The following PPP2R1A variants were observed in gnomAD, a reference collection of about 807,000 sequenced individuals.
The protein encoded by PPP2R1A is serine/threonine-protein phosphatase 2A 65 kDa regulatory subunit A alpha isoform.
PPP2R1A carries 15 observed loss-of-function variants against 67.1 expected under a neutral mutation model. That is an observed-to-expected ratio of 0.22 (90% CI 0.15 to 0.34). The LOEUF (loss-of-function observed/expected upper bound fraction) is 0.34, where lower values mean the gene tolerates loss of function less well. Among genes scored for constraint, PPP2R1A ranks in the 10% least tolerant of loss-of-function variants. The pLI, the probability that PPP2R1A is intolerant of heterozygous loss-of-function variation, is 1.00. For missense variants in PPP2R1A, 369 were observed against 775.0 expected (o/e 0.48, Z 6.22); for synonymous variants, 337 against 325.0 (o/e 1.04, Z -0.40).
chr19:52,199,123 G>A (rs968152669), intron 1 of PPP2R1A, among the ~76,000 whole-genome samples: 3 of 151,964 alleles, frequency 2.0e-5, no homozygotes, highest in African/African-American at 7.2e-5. Context: ...AAAGAAATAG[G>A]CAACTAGGTC....
chr19:52,213,215 G>C lies in PPP2R1A; in HGVS notation c.807+105G>C. 7.3e-7 allele frequency: 1 copy of C among 1,361,420 alleles called. No individual in the cohort carries two copies. Among genetic ancestry groups the C allele is most frequent in the South Asian group, 1.7e-5 (1 of 59,270 alleles). 84.3% of individuals were successfully genotyped at this position (1,361,420 alleles called of 1,614,324 possible). ...TTCCATTAGGCCGATGGAACCATTG[G>C]GCGTTTGAGCAATAAGATCTCTATG... On this transcript the variant is annotated intron_variant, in intron 6 of 14. Coordinates refer to ENST00000322088, the MANE Select transcript of PPP2R1A (RefSeq NM_014225.6). This position sits in a 1 kb window ranked among gnomAD's most constrained non-coding sequence, Gnocchi z 4.2.
intron 12 of PPP2R1A, 110 bp downstream of exon 12, chr19:52,221,243 A>G (rs1237823537): frequency 2.1e-6 from 3 of 1,442,612 alleles, no homozygotes; most frequent in Admixed American, 1.8e-5. Flanking sequence ...GAATGGAGAC[A>G]TGGAGTGCAT....
chr19:52,202,214 A>G (rs894214119), intron 2 of PPP2R1A, among the ~76,000 whole-genome samples, 180 bp downstream of exon 2: 11 of 152,224 alleles, frequency 7.2e-5, no homozygotes, highest in Non-Finnish European at 1.5e-5. Context: ...ATGGTCTGGA[A>G]TGATGGAGAC....
chr19:52,217,723 CA>C (rs1978666541), intron 9 of PPP2R1A, among the ~76,000 whole-genome samples: 1 of 152,110 alleles, frequency 6.6e-6, no homozygotes, highest in African/African-American at 2.4e-5. Flanking sequence ...CGAGATTCCT[CA>C]CATGTGCTTG....
In PPP2R1A at chr19:52,222,350, C is replaced by A. The variant is rs1177397495; in HGVS notation, c.1661+109C>A. On this transcript the variant is annotated intron_variant, in intron 13 of 14. Coordinates refer to ENST00000322088, the MANE Select transcript of PPP2R1A (RefSeq NM_014225.6). ...GTCAGAGGCCTGGCAGCGCTCCTTG[C>A]TTGCTGTGTGACCTTGGCTCCCTTC... 3 of 1,435,476 alleles carry A rather than the reference C, an allele frequency of 2.1e-6. No individual in the cohort carries two copies. In the East Asian group the frequency reaches 7.5e-5, roughly 36 times the overall value. The allele number at this position is 1,435,476 out of a possible 1,614,324, so 88.9% of individuals were successfully genotyped here.
chr19:52,201,709 C>T (rs2089551292), intron 1 of PPP2R1A: 2 of 521,612 alleles, frequency 3.8e-6, no homozygotes, highest in Non-Finnish European at 7.0e-6. Flanking sequence ...GTGTCACCTT[C>T]ATAAGACCCA....
At chr19:52,220,831 A>G in intron 11 of PPP2R1A, 148 bp from the exon 12 acceptor site, 2 of 873,902 alleles carry the variant, frequency 2.3e-6, no homozygotes. Context: ...GATATAGCAC[A>G]TAGTAAGTCC....
At chr19:52,196,787 T>G (rs2089500069) in intron 1 of PPP2R1A, among the ~76,000 whole-genome samples, 1 of 152,136 alleles carries the variant, frequency 6.6e-6, no homozygotes, top group South Asian at 2.1e-4. Context: ...GTATCCTCCA[T>G]TCTACCCTCC....
chr19:52,193,618 C>T (rs1293144146), intron 1 of PPP2R1A, among the ~76,000 whole-genome samples: 4 of 152,116 alleles, frequency 2.6e-5, no homozygotes, highest in African/African-American at 9.7e-5. Flanking sequence ...CAGAGTCTCA[C>T]TCTGTCGTCC....
chr19:52,207,713 G>T (rs763553401), intron 3 of PPP2R1A, among the ~76,000 whole-genome samples: 3 of 152,200 alleles, frequency 2.0e-5, no homozygotes, highest in Non-Finnish European at 2.9e-5. Context: ...GATGTTAGCT[G>T]TATTGCCCAG....
chr19:52,216,597 C>G lies in PPP2R1A; in HGVS notation c.1062C>G (p.Pro354=), dbSNP rs1315395253. ...ALASVIMGLS[P]ILGKDNTIEH... is the part of the protein sequence containing the mutation. ...CCTCAGTCATCATGGGTCTCTCTCCCATCTTGGGCAAAGACAACACCATCG... is the reference window on the plus strand; with the variant it reads ...CCTCAGTCATCATGGGTCTCTCTCCGATCTTGGGCAAAGACAACACCATCG... Residue 354 remains proline, a synonymous_variant, in exon 9 of 15, where the codon CCC becomes CCG. Coordinates refer to ENST00000322088, the MANE Select transcript of PPP2R1A (RefSeq NM_014225.6). This position sits in a 1 kb window ranked among gnomAD's most constrained non-coding sequence, Gnocchi z 4.3. 3 of 1,614,048 alleles carry G rather than the reference C, an allele frequency of 1.9e-6. No homozygotes were observed. The highest frequency in any genetic ancestry group is 2.5e-6 in the Non-Finnish European group (3 of 1,180,044).
intron 13 of PPP2R1A, among the ~76,000 whole-genome samples, chr19:52,225,090 T>C (rs1442957014): frequency 6.9e-6 from 1 of 144,226 alleles, no homozygotes; most frequent in Non-Finnish European, 1.5e-5. Flanking sequence ...CAATCTTGGC[T>C]CACCACAACC....
chr19:52,199,248 G>A (rs897175878), intron 1 of PPP2R1A, among the ~76,000 whole-genome samples: 8 of 151,968 alleles, frequency 5.3e-5, no homozygotes, highest in Non-Finnish European at 8.8e-5. Flanking sequence ...CTCACTGCAA[G>A]CTCCACCTCC....
chr19:52,190,252 A>C (rs766561343), intron 1 of PPP2R1A, 78 bp downstream of exon 1: 62 of 1,482,038 alleles, frequency 4.2e-5, no homozygotes. Flanking sequence ...GAGAAGACTC[A>C]GCGTTCGCTG....
rs398035011 is a variant in PPP2R1A, at chr19:52,213,457, GTTTTTTTTTTTTTTT to G, written c.807+363_807+377del. ...GCCCAAAAAGGTGGGGTTTTTTGGT[GTTTTTTTTTTTTTTT>G]TTTTTTTTTTTTTTTAAGATGGAGT... On this transcript the variant is annotated intron_variant, in intron 6 of 14. Coordinates refer to ENST00000322088, the MANE Select transcript of PPP2R1A (RefSeq NM_014225.6). The surrounding 1 kb of genome is among the most constrained non-coding windows in gnomAD (Gnocchi z 4.2). 1.5e-4 allele frequency among the ~76,000 whole-genome samples: 11 copies of G among 71,760 alleles called. No individual in the cohort carries two copies. The South Asian group carries it at 3.7e-3, about 24-fold the overall frequency. The allele number at this position is 71,760 out of a possible 152,430, so 47.1% of individuals were successfully genotyped here.
Position 52,220,926 on chromosome 19 carries a change from C to T in PPP2R1A, c.1364-53C>T. On this transcript the variant is annotated intron_variant, in intron 11 of 14. Coordinates refer to ENST00000322088, the MANE Select transcript of PPP2R1A (RefSeq NM_014225.6). ...GTGAGTGTGACCTACATTTTGCCCA[C>T]ATCAGTTCTTCACCTCCAAATCCCT... 1.9e-6 allele frequency: 3 copies of T among 1,597,694 alleles called. No individual in the cohort carries two copies. In the South Asian group the frequency reaches 3.3e-5, roughly 18 times the overall value.
intron 3 of PPP2R1A, among the ~76,000 whole-genome samples, chr19:52,208,557 T>C (rs1349302659): frequency 6.6e-6 from 1 of 152,048 alleles, no homozygotes; most frequent in Non-Finnish European, 1.5e-5. Context: ...TGGAGTGCAG[T>C]GTTGTAATCT....
intron 1 of PPP2R1A, among the ~76,000 whole-genome samples, chr19:52,196,626 G>T (rs2089498953): frequency 6.6e-6 from 1 of 152,090 alleles, no homozygotes; most frequent in Non-Finnish European, 1.5e-5. Flanking sequence ...GTTAAGTTTG[G>T]CTGTAAGTAG....
chr19:52,203,053 A>C (rs1022071413), intron 2 of PPP2R1A, among the ~76,000 whole-genome samples: 3 of 152,226 alleles, frequency 2.0e-5, no homozygotes, highest in Non-Finnish European at 4.4e-5. Flanking sequence ...AGCTGAAATC[A>C]CAGCTGAAGG....
Sources: gnomAD v4.1 joint callset for allele counts (sites outside exome capture counted in the v4.1 genomes callset) on GRCh38, gnomAD v4.1.1 for gene constraint, Gnocchi (gnomAD v3.1) non-coding constraint, MANE v1.5 for transcripts, NCBI Gene and HGNC (gene_info 2026-07-23, HGNC 2026-07-21) for gene names.